Variants in GSDME observed in about 807,000 individuals in gnomAD.
GSDME encodes gasdermin E.
Under a neutral mutation model 47.5 loss-of-function variants are expected in GSDME, and 44 were observed. The ratio of observed to expected loss-of-function variants is 0.93; its 90% CI spans 0.73 to 1.19. The LOEUF is 1.19. Among genes scored for constraint, GSDME ranks in the 50% most tolerant of loss-of-function variants. The pLI is 0.00. For missense variants in GSDME, 663 were observed against 604.2 expected, an observed-to-expected ratio of 1.10 and a Z score of -1.02; for synonymous variants, 258 against 252.8, an observed-to-expected ratio of 1.02 and a Z score of -0.20.
At chr7:24,719,718 G>A (rs375636405) in intron 3 of GSDME, among the ~76,000 whole-genome samples, 1 of 152,058 alleles carries the variant, frequency 6.6e-6, no homozygotes, top group Non-Finnish European at 1.5e-5. Flanking sequence ...GCTTGAACCT[G>A]GGAGGCGGAA....
At chr7:24,765,468 G>A in the GSDME span, among the ~76,000 whole-genome samples, 1 of 152,176 alleles carries the variant, frequency 6.6e-6, no homozygotes, top group Admixed American at 6.5e-5. Context: ...CACTGGATGT[G>A]TTAGGTTACA....
intron 3 of GSDME, among the ~76,000 whole-genome samples, chr7:24,729,671 G>A (rs528169007): frequency 1.2e-4 from 18 of 152,360 alleles, no homozygotes; most frequent in Admixed American, 3.9e-4. Flanking sequence ...GGAGGTAGAA[G>A]GAGCCTGGAG....
At chr7:24,790,099 G>A in the GSDME span, among the ~76,000 whole-genome samples, 1 of 152,110 alleles carries the variant, frequency 6.6e-6, no homozygotes, top group Non-Finnish European at 1.5e-5. This position sits in a 1 kb window ranked among gnomAD's most constrained non-coding sequence, Gnocchi z 4.1. Flanking sequence ...TCAACTACTT[G>A]CCCTTGATCA....
chr7:24,772,871 G>C, the GSDME span, among the ~76,000 whole-genome samples: 5 of 152,174 alleles, frequency 3.3e-5, no homozygotes, highest in Non-Finnish European at 7.4e-5. The surrounding 1 kb of genome is among the most constrained non-coding windows in gnomAD (Gnocchi z 4.5). Flanking sequence ...ATTTATAAAA[G>C]AGGCTGTTCA....
chr7:24,717,388 C>T lies in GSDME; in HGVS notation c.577-14G>A, dbSNP rs1443527471. On this transcript the variant is annotated splice_polypyrimidine_tract_variant and intron_variant, in intron 4 of 9. Coordinates refer to ENST00000645220, the MANE Select transcript of GSDME (RefSeq NM_001127453.2). ...CGTCGCTGACACCTGTGGGCAAAAG[C>T]GCACACTCCCACCTGTGCACTCGGG... is the stretch of plus-strand genomic sequence containing the variant. 6 of 1,614,164 alleles carry T rather than the reference C, an allele frequency of 3.7e-6. No individual in the cohort carries two copies. The highest frequency in any genetic ancestry group is 2.2e-5 in the South Asian group (2 of 91,082).
At chr7:24,761,253 T>C (rs1343369292), upstream of GSDME, among the ~76,000 whole-genome samples, 1 of 152,250 alleles carries the variant, frequency 6.6e-6, no homozygotes, top group Non-Finnish European at 1.5e-5. This position sits in a 1 kb window ranked among gnomAD's most constrained non-coding sequence, Gnocchi z 4.4. Flanking sequence ...ACTTCACCCA[T>C]GTCTTTGCCC....
At position 24,708,466 on chromosome 7, in the gene GSDME, AAG is replaced by A. The variant is rs143484820; in HGVS notation, c.863-214_863-213del. Among the ~76,000 whole-genome samples, 33 of 152,264 alleles carry A rather than the reference AAG, an allele frequency of 2.2e-4. No individual in the cohort carries two copies. The East Asian group carries it at 6.2e-3, about 28-fold the overall frequency. On this transcript the variant is annotated intron_variant, in intron 6 of 9. Transcript: ENST00000645220. Reference sequence around the variant, plus strand: ...CAAAGGGAGGGAGGAGAGAGAGAGAAAGAGGGAAGCCAAGTTTTGTATTTCAA... The same window carrying A: ...CAAAGGGAGGGAGGAGAGAGAGAGAAAGGGAAGCCAAGTTTTGTATTTCAA...
At chr7:24,783,743 C>T in the GSDME span, among the ~76,000 whole-genome samples, 1 of 151,696 alleles carries the variant, frequency 6.6e-6, no homozygotes, top group Non-Finnish European at 1.5e-5. Flanking sequence ...ACTTCACAGG[C>T]AGGGTGGGCA....
At position 24,745,724 on chromosome 7, in the gene GSDME, G is replaced by T. The variant is rs1273063679; in HGVS notation, c.212-970C>A. ...TTCAAGACCAACCTGGGCAACACCA[G>T]CTACCCTAGAGGCTGAGGTGAGAGG... On this transcript the variant is annotated intron_variant, in intron 2 of 9. Coordinates refer to ENST00000645220, the MANE Select transcript of GSDME (RefSeq NM_001127453.2). The surrounding 1 kb of genome is among the most constrained non-coding windows in gnomAD (Gnocchi z 4.4). Among the ~76,000 whole-genome samples, 3 of 152,124 alleles carry T rather than the reference G, an allele frequency of 2.0e-5. No homozygotes were observed. Among genetic ancestry groups the T allele is most frequent in the Non-Finnish European group, 2.9e-5 (2 of 68,018 alleles).
chr7:24,717,024 A>G lies in GSDME; in HGVS notation c.697+230T>C, dbSNP rs73082019. The G allele has an allele frequency of 0.1, 56,987 of 559,928 alleles. 3,071 individuals carry two copies. Among genetic ancestry groups the G allele is most frequent in the African/African-American group, 0.13 (7,111 of 53,328 alleles). 34.7% of individuals were successfully genotyped at this position (559,928 alleles called of 1,614,324 possible). On this transcript the variant is annotated intron_variant, in intron 5 of 9. Coordinates refer to ENST00000645220, the MANE Select transcript of GSDME (RefSeq NM_001127453.2). Reference sequence around the variant, plus strand: ...GCTGGTGGAACTTTGCCCCACACCAATGTTGGAGGAGAGGGTGGCATTGCT... The same window carrying G: ...GCTGGTGGAACTTTGCCCCACACCAGTGTTGGAGGAGAGGGTGGCATTGCT...
chr7:24,706,318 G>C lies in GSDME; in HGVS notation c.1049C>G (p.Pro350Arg), dbSNP rs1432629278. The C allele has an allele frequency of 5.0e-6, 8 of 1,613,564 alleles. No homozygotes were observed. The Admixed American group carries it at 1.3e-4, about 27-fold the overall frequency. The change falls in exon 8 of 10, where the codon CCC (proline) becomes CGC (arginine). Residue 350 changes from proline (P) to arginine (R), a missense_variant. Physicochemically the swap from Pro to Arg is moderately radical, Grantham distance 103 (BLOSUM62 -2). Coordinates refer to ENST00000645220, the MANE Select transcript of GSDME (RefSeq NM_001127453.2). Reference protein sequence around the residue: ...PTVAVLGELKPRQQQDLVAFL... With the variant: ...PTVAVLGELKRRQQQDLVAFL... ...GGCCACAAGGTCCTGCTGCTGCCGGGGCTTCAGCTCCCCCAGCACCGCCAC... is the reference window on the plus strand; with the variant it reads ...GGCCACAAGGTCCTGCTGCTGCCGGCGCTTCAGCTCCCCCAGCACCGCCAC...
the GSDME span, among the ~76,000 whole-genome samples, chr7:24,783,793 G>A: frequency 3.0e-4 from 45 of 152,174 alleles, no homozygotes; most frequent in African/African-American, 9.2e-4. Context: ...GGGAGGGGAG[G>A]AGTCTAGAAT....
chr7:24,762,346 C>T (rs192814442), upstream of GSDME, among the ~76,000 whole-genome samples: 63 of 151,614 alleles, frequency 4.2e-4, no homozygotes, highest in South Asian at 4.2e-4. Flanking sequence ...GAGAAACATA[C>T]GTTATTATCA....
At chr7:24,751,052 G>A (rs1457881970) in intron 1 of GSDME, among the ~76,000 whole-genome samples, 2 of 152,092 alleles carry the variant, frequency 1.3e-5, no homozygotes, top group African/African-American at 2.4e-5. Flanking sequence ...TTGTACAATC[G>A]CAGGATGAGA....
Position 24,756,504 on chromosome 7 carries a change from T to C in GSDME, c.-20+892A>G, listed in dbSNP as rs1480775624. Among the ~76,000 whole-genome samples, 2 of 152,212 alleles carry C rather than the reference T, an allele frequency of 1.3e-5. No individual in the cohort carries two copies. The highest frequency in any genetic ancestry group is 4.8e-5 in the African/African-American group (2 of 41,446). On this transcript the variant is annotated intron_variant, in intron 1 of 9. Transcript: ENST00000645220. The surrounding 1 kb of genome is among the most constrained non-coding windows in gnomAD (Gnocchi z 4.2). ...AGATTGTGAAGACAATTAATTTCAC[T>C]CTTCAGCTGCTTCTCCAACCCCACA...
At chr7:24,717,131 G>T in intron 5 of GSDME, 123 bp downstream of exon 5, 2 of 1,116,666 alleles carry the variant, frequency 1.8e-6, no homozygotes, top group Admixed American at 1.8e-5. Context: ...ACGCTCTTCA[G>T]ACCTCTTTCC....
In GSDME at chr7:24,698,866, G is replaced by A. The variant is rs1030014118; in HGVS notation, c.*160C>T. 53 of 680,748 alleles carry A rather than the reference G, an allele frequency of 7.8e-5. No homozygotes were observed. In the African/African-American group the frequency reaches 9.3e-4, roughly 12 times the overall value. 42.2% of individuals were successfully genotyped at this position (680,748 alleles called of 1,614,324 possible). On this transcript the variant is annotated 3_prime_UTR_variant, in exon 10 of 10. Transcript: ENST00000645220. ...AAGGAAAACTGTTTAAAGAGTACCT[G>A]GTGGCTAAAAGTCAGGTCATTCATC...
At chr7:24,791,198 C>G in the GSDME span, among the ~76,000 whole-genome samples, 2 of 152,008 alleles carry the variant, frequency 1.3e-5, no homozygotes, top group African/African-American at 4.8e-5. This position sits in a 1 kb window ranked among gnomAD's most constrained non-coding sequence, Gnocchi z 4.8. Flanking sequence ...TCCTTTTCAC[C>G]GTGGCTGCAA....
At position 24,724,424 on chromosome 7, in the gene GSDME, C is replaced by T. The variant is rs987924389; in HGVS notation, c.405-5206G>A. Among the ~76,000 whole-genome samples, 1 of 152,180 alleles carries T rather than the reference C, an allele frequency of 6.6e-6. No individual in the cohort carries two copies. The highest frequency in any genetic ancestry group is 2.4e-5 in the African/African-American group (1 of 41,442). ...GCTCTTCCAGGAGAAAATGAACAAG[C>T]AGAGGTTCTTCATCCGCTTCACACA... On this transcript the variant is annotated intron_variant, in intron 3 of 9. Coordinates refer to ENST00000645220, the MANE Select transcript of GSDME (RefSeq NM_001127453.2). The surrounding 1 kb of genome is among the most constrained non-coding windows in gnomAD (Gnocchi z 4.8).
Sources: gnomAD v4.1 joint callset for allele counts (sites outside exome capture counted in the v4.1 genomes callset) on GRCh38, gnomAD v4.1.1 for gene constraint, Gnocchi (gnomAD v3.1) non-coding constraint, MANE v1.5 for transcripts, NCBI Gene and HGNC (gene_info 2026-07-23, HGNC 2026-07-21) for gene names.